Variants in PCDHA10 observed in about 807,000 individuals in gnomAD.
PCDHA10 encodes protocadherin alpha 10, also known as protocadherin alpha-10.
In PCDHA10, 45 loss-of-function variants were observed where a neutral mutation model predicts 61.2. That is an observed-to-expected ratio of 0.74 (90% confidence interval 0.58 to 0.94). The LOEUF (loss-of-function observed/expected upper bound fraction) is 0.94. PCDHA10 is among the 40% of genes least tolerant of loss of function. The pLI, the probability that PCDHA10 is intolerant of heterozygous loss-of-function variation, is 0.00. For missense variants in PCDHA10, 1,278 were observed against 1,236.2 expected (o/e 1.03, Z -0.51); for synonymous variants, 602 against 548.8 (o/e 1.10, Z -1.35).
chr5:140,925,397 C>T (rs2082477792), intron 1 of PCDHA10, among the ~76,000 whole-genome samples: 1 of 152,048 alleles, frequency 6.6e-6, no homozygotes, highest in African/African-American at 2.4e-5. Flanking sequence ...TTTGGCTCGC[C>T]TCCTTCTTAG....
chr5:140,966,812 C>T, intron 1 of PCDHA10: 1 of 1,550,798 alleles, frequency 6.4e-7, no homozygotes, highest in East Asian at 2.4e-5. Flanking sequence ...GCATCCACGG[C>T]TCCGGCGGCC....
intron 1 of PCDHA10, among the ~76,000 whole-genome samples, chr5:140,889,199 T>C (rs1399579598): frequency 1.3e-5 from 2 of 151,896 alleles, no homozygotes; most frequent in African/African-American, 4.8e-5. Context: ...ATAACTTGAA[T>C]ACTTAACAAA....
At position 140,971,223 on chromosome 5, in the gene PCDHA10, C is replaced by T. The variant is rs904012820; in HGVS notation, c.2389-7726C>T. The stretch of plus-strand genomic sequence containing the variant: ...GACACTGTTACCCTCCCTCTCCTGA[C>T]TCAAAGCTTGGGGCAATTTGATACA... On this transcript the variant is annotated intron_variant, in intron 1 of 3. Transcript: ENST00000307360. Among the ~76,000 whole-genome samples, 3 of 152,148 alleles carry T rather than the reference C, an allele frequency of 2.0e-5. No homozygotes were observed. The South Asian group carries it at 6.2e-4, about 31-fold the overall frequency.
Position 141,002,911 on chromosome 5 carries a change from G to C in PCDHA10, c.2537-6716G>C, listed in dbSNP as rs565172510. Among the ~76,000 whole-genome samples the C allele has an allele frequency of 3.3e-5, 5 of 152,330 alleles. No homozygotes were observed. The South Asian group carries it at 1.0e-3, about 32-fold the overall frequency. On this transcript the variant is annotated intron_variant, in intron 3 of 3. Transcript: ENST00000307360. ...ACAAAGCAAGATGAAGAGAAGATCA[G>C]AAAAGTGAACACCCTCCAACACCCT...
rs2150361259 is a variant in PCDHA10 at position 140,856,575 on chromosome 5, A to G, written c.527A>G (p.Tyr176Cys). 1 of 1,597,272 alleles carries G rather than the reference A, an allele frequency of 6.3e-7. No homozygotes were observed. The highest frequency in any genetic ancestry group is 1.3e-5 in the African/African-American group (1 of 74,418). ...ACTTACAAACTCAGTCCAAATGAGT[A>G]TTTTGTTCTTGATATTATAAACAAA... ...LLTYKLSPNE[Y>C]FVLDIINKKD... The change falls in exon 1 of 4, where the codon TAT (tyrosine) becomes TGT (cysteine). Residue 176 changes from tyrosine (Y) to cysteine (C), a missense_variant. Physicochemically the swap from Tyr to Cys is radical, Grantham distance 194. Transcript: ENST00000307360.
intron 1 of PCDHA10, among the ~76,000 whole-genome samples, chr5:140,872,454 C>T (rs1410815153): frequency 1.3e-5 from 2 of 152,062 alleles, no homozygotes; most frequent in Non-Finnish European, 2.9e-5. Context: ...TAGCGAGATC[C>T]TGTCTCTATA....
At chr5:140,875,966 ACT>A (rs782792514) in intron 1 of PCDHA10, 11 of 1,613,922 alleles carry the variant, frequency 6.8e-6, no homozygotes, top group Admixed American at 6.7e-5. Context: ...ATCGGCGTAA[ACT>A]CTCTTTTGAC....
At chr5:140,929,316 C>A in intron 1 of PCDHA10, 1 of 1,556,954 alleles carries the variant, frequency 6.4e-7, no homozygotes, top group South Asian at 1.2e-5. Flanking sequence ...ACGCTAATGT[C>A]AATGCCATGG....
At chr5:140,891,022 G>C (rs2062905127) in intron 1 of PCDHA10, among the ~76,000 whole-genome samples, 1 of 151,804 alleles carries the variant, frequency 6.6e-6, no homozygotes, top group South Asian at 2.1e-4. Context: ...TTTTCTGAGG[G>C]TATAATCTTA....
At chr5:140,905,611 T>C (rs1396340503) in intron 1 of PCDHA10, among the ~76,000 whole-genome samples, 1 of 152,224 alleles carries the variant, frequency 6.6e-6, no homozygotes, top group South Asian at 2.1e-4. Flanking sequence ...ATTGAATCTA[T>C]AGATTGCTTT....
chr5:140,856,284 A>C lies in PCDHA10; in HGVS notation c.236A>C (p.Gln79Pro), dbSNP rs1164216826. 9 of 1,598,362 alleles carry C rather than the reference A, an allele frequency of 5.6e-6. No individual in the cohort carries two copies. Among genetic ancestry groups the C allele is most frequent in the Non-Finnish European group, 7.7e-6 (9 of 1,168,026 alleles). The change falls in exon 1 of 4, where the codon CAG (glutamine) becomes CCG (proline). Residue 79 changes from glutamine to proline, a missense_variant. Coordinates refer to ENST00000307360, the MANE Select transcript of PCDHA10 (RefSeq NM_018901.4). ...RHGDLLEVNL[Q>P]NGILFVNSRI... ...GGGGACCTTCTGGAGGTAAATCTGCAGAATGGCATTTTGTTTGTGAATTCT... is the reference window on the plus strand; with the variant it reads ...GGGGACCTTCTGGAGGTAAATCTGCCGAATGGCATTTTGTTTGTGAATTCT...
intron 3 of PCDHA10, among the ~76,000 whole-genome samples, chr5:140,988,281 A>G (rs2097291171): frequency 2.0e-5 from 3 of 152,202 alleles, no homozygotes; most frequent in Admixed American, 2.0e-4. Context: ...GTCACCTGCC[A>G]TCTGACAGCC....
intron 1 of PCDHA10, chr5:140,870,462 G>C: frequency 1.2e-6 from 2 of 1,614,196 alleles, no homozygotes; most frequent in Non-Finnish European, 1.7e-6. Flanking sequence ...ATGCGCCTGC[G>C]TTCGCACAGC....
At chr5:140,860,376 A>G (rs1301503949) in intron 1 of PCDHA10, 1 of 152,078 alleles carries the variant, frequency 6.6e-6, no homozygotes, top group Non-Finnish European at 1.5e-5. Context: ...GTGAGACCCT[A>G]TTTCAAAAAT....
At chr5:140,876,184 A>T in intron 1 of PCDHA10, 1 of 1,613,968 alleles carries the variant, frequency 6.2e-7, no homozygotes. Flanking sequence ...TGTGAATGAC[A>T]ATGGTCCGGC....
intron 1 of PCDHA10, chr5:140,867,406 C>G (rs1394985393): frequency 6.6e-6 from 1 of 151,958 alleles, no homozygotes; most frequent in East Asian, 1.9e-4. Context: ...GATATGTCTC[C>G]TTTAATTTTT....
chr5:140,908,816 G>T (rs1606122), intron 1 of PCDHA10, among the ~76,000 whole-genome samples: 42,837 of 152,040 alleles, frequency 0.28, 6,902 homozygotes, highest in East Asian at 0.53. Flanking sequence ...AGAGCCTTTT[G>T]GGTTACTCGA....
intron 1 of PCDHA10, chr5:140,930,401 T>G (rs1554207785): frequency 6.6e-6 from 1 of 152,210 alleles, no homozygotes; most frequent in African/African-American, 2.4e-5. Context: ...TTCTTTTTTT[T>G]TTTTGAGACA....
At chr5:141,004,054 G>A (rs2098150015) in intron 3 of PCDHA10, among the ~76,000 whole-genome samples, 1 of 152,216 alleles carries the variant, frequency 6.6e-6, no homozygotes, top group Admixed American at 6.5e-5. Flanking sequence ...TGCTGATACT[G>A]GCCCCTGGTT....
Sources: allele counts gnomAD v4.1 joint callset (sites outside exome capture counted in the v4.1 genomes callset), GRCh38; gene constraint gnomAD v4.1.1; transcripts MANE v1.5; gene names NCBI Gene and HGNC (gene_info 2026-07-23, HGNC 2026-07-21).